The following TNIK variants were observed in gnomAD, a reference collection of about 807,000 sequenced individuals.
The protein encoded by TNIK is TRAF2 and NCK interacting kinase.
TNIK carries 49 observed loss-of-function variants against 191.3 expected under a neutral mutation model. The observed-to-expected ratio is 0.26, with a 90% CI of 0.20 to 0.32. TNIK has a LOEUF of 0.32. Among genes scored for constraint, TNIK ranks in the 10% least tolerant of loss-of-function variants. The probability of loss-of-function intolerance (pLI) is 1.00; values close to 1 mark genes in which losing one functional copy is unlikely to be tolerated. For missense variants in TNIK, 1,155 were observed against 1,702.3 expected (o/e 0.68, Z 5.66); for synonymous variants, 594 against 600.9 (o/e 0.99, Z 0.17).
intron 12 of TNIK, among the ~76,000 whole-genome samples, chr3:171,147,068 G>A (rs1320328837): frequency 6.6e-6 from 1 of 152,160 alleles, no homozygotes; most frequent in Non-Finnish European, 1.5e-5. Context: ...ACCATTCAGA[G>A]TGAAACGAAG....
intron 2 of TNIK, among the ~76,000 whole-genome samples, chr3:171,351,641 G>A (rs1404599739): frequency 6.6e-6 from 1 of 152,102 alleles, no homozygotes; most frequent in African/African-American, 2.4e-5. Flanking sequence ...GAGTTGGGAG[G>A]AAAATTTCCA....
chr3:171,185,051 G>C (rs746880582), intron 7 of TNIK, among the ~76,000 whole-genome samples: 1 of 152,248 alleles, frequency 6.6e-6, no homozygotes, highest in East Asian at 1.9e-4. Context: ...TAAGAGCAAG[G>C]CCTGTTTATG....
chr3:171,228,753 T>C (rs943141111), intron 2 of TNIK, among the ~76,000 whole-genome samples: 2 of 152,204 alleles, frequency 1.3e-5, no homozygotes, highest in African/African-American at 4.8e-5. Flanking sequence ...AAGGAGACAG[T>C]GTTGAACATT....
At chr3:171,437,674 C>T (rs1232299586) in intron 1 of TNIK, among the ~76,000 whole-genome samples, 1 of 152,218 alleles carries the variant, frequency 6.6e-6, no homozygotes, top group Non-Finnish European at 1.5e-5. Context: ...AAATCTGCCA[C>T]CATGTAGATT....
intron 2 of TNIK, among the ~76,000 whole-genome samples, chr3:171,327,591 C>T (rs374702018): frequency 2.0e-5 from 3 of 152,032 alleles, no homozygotes; most frequent in Non-Finnish European, 4.4e-5. Context: ...CCAGGATGCC[C>T]GTGGCATTGC....
In TNIK at chr3:171,203,314, G is replaced by T. The variant is rs184797304; in HGVS notation, c.306+7802C>A. 3.3e-4 allele frequency among the ~76,000 whole-genome samples: 50 copies of T among 152,288 alleles called. 1 individual carries two copies. Among genetic ancestry groups the T allele is most frequent in the Admixed American group, 3.3e-3 (50 of 15,288 alleles). ...GGACCTTTCATGGGTAGTTGAATGA[G>T]TTTGTTTCTTAGTTCATCCCAGTAT... is the stretch of plus-strand genomic sequence containing the variant. On this transcript the variant is annotated intron_variant, in intron 4 of 32. Coordinates refer to ENST00000436636, the MANE Select transcript of TNIK (RefSeq NM_015028.4).
At chr3:171,200,840 T>C (rs767371368) in intron 4 of TNIK, among the ~76,000 whole-genome samples, 25 of 152,224 alleles carry the variant, frequency 1.6e-4, no homozygotes, top group Non-Finnish European at 4.4e-5. Flanking sequence ...AGTTTATTGG[T>C]TTTAAGTTCC....
At chr3:171,410,361 T>A (rs909319624) in intron 1 of TNIK, among the ~76,000 whole-genome samples, 7 of 152,210 alleles carry the variant, frequency 4.6e-5, no homozygotes, top group Admixed American at 3.3e-4. Flanking sequence ...GGCTGACACC[T>A]CTCTCCATAC....
chr3:171,154,821 T>G (rs1009782241), intron 12 of TNIK, among the ~76,000 whole-genome samples: 3 of 152,188 alleles, frequency 2.0e-5, no homozygotes, highest in Non-Finnish European at 4.4e-5. Context: ...AGGTTGTACT[T>G]CAACAATGGT....
intron 5 of TNIK, 53 bp downstream of exon 5, chr3:171,194,472 C>A (rs959973906): frequency 1.1e-5 from 16 of 1,475,488 alleles, no homozygotes; most frequent in Non-Finnish European, 1.5e-5. Flanking sequence ...CATAAGATAT[C>A]ATGTGTTGCT....
chr3:171,200,261 A>G (rs1052018176), intron 4 of TNIK, among the ~76,000 whole-genome samples: 2 of 81,698 alleles, frequency 2.4e-5, no homozygotes, highest in African/African-American at 8.3e-5. Flanking sequence ...AGAAGAAAGA[A>G]GGAAGGTCAA....
chr3:171,218,521 G>A (rs1403147860), intron 3 of TNIK, among the ~76,000 whole-genome samples: 1 of 150,284 alleles, frequency 6.7e-6, no homozygotes, highest in East Asian at 1.9e-4. Flanking sequence ...ACAGGAATTG[G>A]AATGAGTTTT....
chr3:171,234,392 C>T (rs1205987347), intron 2 of TNIK, among the ~76,000 whole-genome samples: 3 of 152,206 alleles, frequency 2.0e-5, no homozygotes, highest in African/African-American at 7.2e-5. Context: ...AACTGTAATT[C>T]AGACTTTATG....
At chr3:171,105,533 G>A (rs1442411382) in intron 21 of TNIK, among the ~76,000 whole-genome samples, 1 of 152,178 alleles carries the variant, frequency 6.6e-6, no homozygotes, top group African/African-American at 2.4e-5. Flanking sequence ...CAAGAGATCA[G>A]GATAGTCACC....
rs956536257 is a variant in TNIK at position 171,062,284 on chromosome 3, C to T, written c.*1597G>A. On this transcript the variant is annotated 3_prime_UTR_variant, in exon 33 of 33. Coordinates refer to ENST00000436636, the MANE Select transcript of TNIK (RefSeq NM_015028.4). ...TTTTTAAGAAGAAAAATTTGGTCAA[C>T]TACTGTTTCGTTTTAAAAATGTTAA... The T allele has an allele frequency of 6.6e-6, 1 of 152,086 alleles. No homozygotes were observed. Among genetic ancestry groups the T allele is most frequent in the Admixed American group, 6.6e-5 (1 of 15,248 alleles). The allele number at this position is 152,086 out of a possible 1,614,324, so 9.4% of individuals were successfully genotyped here.
At chr3:171,080,377 T>A (rs1394729131) in intron 27 of TNIK, among the ~76,000 whole-genome samples, 3 of 152,170 alleles carry the variant, frequency 2.0e-5, no homozygotes, top group Non-Finnish European at 4.4e-5. Flanking sequence ...TCTATGGGTT[T>A]TATTTTTTGG....
intron 2 of TNIK, among the ~76,000 whole-genome samples, chr3:171,274,042 G>C (rs1469889571): frequency 6.6e-6 from 1 of 152,170 alleles, no homozygotes; most frequent in African/African-American, 2.4e-5. Flanking sequence ...TATGAAATTG[G>C]AGTGAGAAAG....
At chr3:171,094,739 G>A (rs1722501934) in intron 22 of TNIK, among the ~76,000 whole-genome samples, 1 of 152,132 alleles carries the variant, frequency 6.6e-6, no homozygotes, top group South Asian at 2.1e-4. Context: ...GATGCTTTCT[G>A]TGAGAAGTCT....
chr3:171,148,148 A>T (rs981430059), intron 12 of TNIK, among the ~76,000 whole-genome samples: 4 of 152,170 alleles, frequency 2.6e-5, no homozygotes, highest in Non-Finnish European at 5.9e-5. Flanking sequence ...TTTCCTGAAA[A>T]ATTAACTGCC....
Sources: gnomAD v4.1 joint callset for allele counts (sites outside exome capture counted in the v4.1 genomes callset) on GRCh38, gnomAD v4.1.1 for gene constraint, MANE v1.5 for transcripts, NCBI Gene and HGNC (gene_info 2026-07-23, HGNC 2026-07-21) for gene names.